ASAP1: variants seen among roughly 807,000 people sequenced by gnomAD.
The protein encoded by ASAP1 is arf-GAP with SH3 domain, ANK repeat and PH domain-containing protein 1.
In ASAP1, 43 loss-of-function variants were observed where a neutral mutation model predicts 145.2. The observed-to-expected ratio is 0.30, with a 90% CI of 0.23 to 0.38. The LOEUF is 0.38. Among genes scored for constraint, ASAP1 ranks in the 10% least tolerant of loss-of-function variants. The pLI, the probability that ASAP1 is intolerant of heterozygous loss-of-function variation, is 1.00. For missense variants in ASAP1, 1,018 were observed against 1,355.3 expected, an observed-to-expected ratio of 0.75 and a Z score of 3.91; for synonymous variants, 546 against 515.5, an observed-to-expected ratio of 1.06 and a Z score of -0.80.
rs1031185028 is a variant in ASAP1, at chr8:130,071,102, C to T, written c.2701+5246G>A. ...AAAAAAGTATTTTTTCTCCCCTACC[C>T]GATGCAGTGATCCTAGGACAGGAGT... On this transcript the variant is annotated intron_variant, in intron 27 of 29. Coordinates refer to ENST00000518721, the MANE Select transcript of ASAP1 (RefSeq NM_018482.4). Among the ~76,000 whole-genome samples, 25 of 150,490 alleles carry T rather than the reference C, an allele frequency of 1.7e-4. No individual in the cohort carries two copies. In the Middle Eastern group the frequency reaches 0.014, roughly 85 times the overall value.
At chr8:130,072,824 T>TGTGTGTGCGCGCGCGCGCGCGCACGCGC in intron 27 of ASAP1, among the ~76,000 whole-genome samples, 1 of 32,280 alleles carries the variant, frequency 3.1e-5, no homozygotes, top group Admixed American at 3.6e-4. Context: ...TGTGTGTGTG[T>TGTGTGTGCGCGCGCGCGCGCGCACGCGC]GCGCGCGGGG....
At chr8:130,165,252 A>G (rs1279444759) in intron 11 of ASAP1, among the ~76,000 whole-genome samples, 2 of 152,200 alleles carry the variant, frequency 1.3e-5, no homozygotes, top group African/African-American at 4.8e-5. Context: ...TTATTTTTCA[A>G]GAAAGCTTCC....
intron 8 of ASAP1, among the ~76,000 whole-genome samples, chr8:130,180,102 G>A (rs1418855030): frequency 2.0e-5 from 3 of 150,418 alleles, no homozygotes; most frequent in East Asian, 3.9e-4. Flanking sequence ...GAGAAGGAGG[G>A]AATAGAGAGA....
At chr8:130,226,357 G>A (rs950487292) in intron 4 of ASAP1, among the ~76,000 whole-genome samples, 3 of 151,972 alleles carry the variant, frequency 2.0e-5, no homozygotes, top group African/African-American at 7.3e-5. Flanking sequence ...ACACTAATTT[G>A]GAAACAACTG....
At chr8:130,176,449 T>C (rs989826806) in intron 9 of ASAP1, among the ~76,000 whole-genome samples, 8 of 152,308 alleles carry the variant, frequency 5.3e-5, no homozygotes, top group Admixed American at 5.2e-4. Flanking sequence ...TTTAGTTGAA[T>C]CCCCTTATAA....
chr8:130,055,764 C>T (rs892045795), intron 29 of ASAP1, among the ~76,000 whole-genome samples: 1 of 152,158 alleles, frequency 6.6e-6, no homozygotes, highest in African/African-American at 2.4e-5. Flanking sequence ...AAAACAAAAT[C>T]GTGCATATTG....
At chr8:130,262,405 AAAAAAAAAAAAAGAG>A (rs1819959321) in intron 3 of ASAP1, among the ~76,000 whole-genome samples, 1 of 114,652 alleles carries the variant, frequency 8.7e-6, no homozygotes, top group Non-Finnish European at 1.7e-5. Flanking sequence ...AAAAAAAAAA[AAAAAAAAAAAAAGAG>A]AGAGAGAGAG....
intron 3 of ASAP1, among the ~76,000 whole-genome samples, chr8:130,282,459 A>G (rs1821309306): frequency 6.6e-6 from 1 of 152,216 alleles, no homozygotes. Context: ...ATTTCATCTG[A>G]AACTGCTTAA....
chr8:130,195,880 T>C (rs1017983148), intron 5 of ASAP1, among the ~76,000 whole-genome samples: 6 of 152,230 alleles, frequency 3.9e-5, no homozygotes, highest in Admixed American at 3.9e-4. Context: ...TAAACATACA[T>C]CTTCTGCTCT....
intron 3 of ASAP1, among the ~76,000 whole-genome samples, chr8:130,275,469 G>A (rs531856561): frequency 8.4e-4 from 127 of 151,960 alleles, no homozygotes; most frequent in African/African-American, 2.8e-3. Flanking sequence ...GCGTCCCAGC[G>A]CCTGCACACA....
In ASAP1 at chr8:130,403,784, C is replaced by T. The variant is rs145025192; in HGVS notation, c.-27-1814G>A. The stretch of plus-strand genomic sequence containing the variant: ...GAGCAGGCTGGTCTCGAACTCCTGA[C>T]CTCAGGTGATCTGCCCACCTTGGCC... On this transcript the variant is annotated intron_variant, in intron 1 of 29. Transcript: ENST00000518721. 8.1e-3 allele frequency among the ~76,000 whole-genome samples: 1,234 copies of T among 152,144 alleles called. 11 individuals are homozygous for T. The highest frequency in any genetic ancestry group is 0.012 in the Non-Finnish European group (791 of 68,006).
At chr8:130,362,981 T>C (rs1169697194) in intron 2 of ASAP1, among the ~76,000 whole-genome samples, 1 of 152,146 alleles carries the variant, frequency 6.6e-6, no homozygotes, top group Non-Finnish European at 1.5e-5. Context: ...TATGGGCTGA[T>C]TCTCACATAA....
chr8:130,217,053 G>A (rs550716069), intron 4 of ASAP1, among the ~76,000 whole-genome samples: 1 of 152,280 alleles, frequency 6.6e-6, no homozygotes, highest in East Asian at 1.9e-4. Flanking sequence ...TTACAGAAAG[G>A]AGTACTGCAT....
At chr8:130,311,650 A>G (rs752956974) in intron 3 of ASAP1, among the ~76,000 whole-genome samples, 2 of 151,206 alleles carry the variant, frequency 1.3e-5, no homozygotes, top group Non-Finnish European at 2.9e-5. Context: ...AATCCCAGCT[A>G]CTCGGGAGGC....
chr8:130,168,444 AGAC>A, intron 10 of ASAP1, among the ~76,000 whole-genome samples: 1 of 152,320 alleles, frequency 6.6e-6, no homozygotes, highest in Middle Eastern at 3.4e-3. Flanking sequence ...CAGGAGTTCA[AGAC>A]TAGTCTGGGC....
chr8:130,297,165 C>T (rs1438413385), intron 3 of ASAP1, among the ~76,000 whole-genome samples: 1 of 152,150 alleles, frequency 6.6e-6, no homozygotes, highest in Non-Finnish European at 1.5e-5. Flanking sequence ...AGGCGCTGCA[C>T]TGGTTTTTAA....
At chr8:130,108,828 T>A (rs1357665542) in intron 24 of ASAP1, among the ~76,000 whole-genome samples, 1 of 119,656 alleles carries the variant, frequency 8.4e-6, no homozygotes, top group East Asian at 3.0e-4. Flanking sequence ...CAGGCTGGAG[T>A]GCAATGGCAC....
intron 3 of ASAP1, among the ~76,000 whole-genome samples, chr8:130,328,338 T>C (rs1405933866): frequency 1.3e-5 from 2 of 152,206 alleles, no homozygotes; most frequent in African/African-American, 4.8e-5. Context: ...TAGTCAATAG[T>C]CTTAAAAGCA....
intron 3 of ASAP1, among the ~76,000 whole-genome samples, chr8:130,331,183 G>A (rs550078805): frequency 6.6e-6 from 1 of 152,210 alleles, no homozygotes; most frequent in Non-Finnish European, 1.5e-5. Context: ...CAAAGTTAAG[G>A]AAAGGGGGCA....
Sources: gnomAD v4.1 joint callset for allele counts (sites outside exome capture counted in the v4.1 genomes callset) on GRCh38, gnomAD v4.1.1 for gene constraint, MANE v1.5 for transcripts, NCBI Gene and HGNC (gene_info 2026-07-23, HGNC 2026-07-21) for gene names.